The following COL28A1 variants were observed in gnomAD, a reference collection of about 807,000 sequenced individuals.
COL28A1 encodes the protein collagen alpha-1(XXVIII) chain.
In COL28A1, 161 loss-of-function variants were observed where a neutral mutation model predicts 150.2. The observed-to-expected ratio is 1.07, with a 90% CI of 0.94 to 1.22. The LOEUF is 1.22. Ranked by LOEUF, COL28A1 falls within the 50% of genes most tolerant of loss-of-function variation. The probability of loss-of-function intolerance (pLI) is 0.00; values close to 1 mark genes in which losing one functional copy is unlikely to be tolerated. For missense variants in COL28A1, 1,617 were observed against 1,388.3 expected, an observed-to-expected ratio of 1.16 and a Z score of -2.62; for synonymous variants, 552 against 469.7, an observed-to-expected ratio of 1.18 and a Z score of -2.26.
At chr7:7,457,369 G>A (rs1787252366) in intron 15 of COL28A1, among the ~76,000 whole-genome samples, 1 of 152,098 alleles carries the variant, frequency 6.6e-6, no homozygotes, top group Admixed American at 6.5e-5. Flanking sequence ...TAGAGTGATG[G>A]GATTTGCTGA....
intron 15 of COL28A1, among the ~76,000 whole-genome samples, chr7:7,474,330 T>C (rs1041835705): frequency 3.3e-5 from 5 of 152,046 alleles, no homozygotes; most frequent in Admixed American, 2.6e-4. Flanking sequence ...AGACCACAAA[T>C]TGGGTTCAGT....
chr7:7,488,721 T>C (rs1197601142), intron 13 of COL28A1, among the ~76,000 whole-genome samples: 1 of 152,228 alleles, frequency 6.6e-6, no homozygotes, highest in Non-Finnish European at 1.5e-5. Context: ...GATTAGATAA[T>C]GAGCCAAGTC....
intron 13 of COL28A1, among the ~76,000 whole-genome samples, chr7:7,482,528 A>G (rs1050645344): frequency 1.9e-5 from 2 of 103,740 alleles, no homozygotes; most frequent in East Asian, 2.9e-4. Context: ...TCTGTCTCAG[A>G]AAAAAAAAAA....
intron 15 of COL28A1, among the ~76,000 whole-genome samples, chr7:7,473,514 A>AT (rs1788605738): frequency 2.0e-5 from 3 of 152,334 alleles, no homozygotes; most frequent in Non-Finnish European, 4.4e-5. Context: ...AAGAATGGCC[A>AT]TAATCAAGAA....
At chr7:7,402,417 C>G (rs1783257889) in intron 27 of COL28A1, among the ~76,000 whole-genome samples, 1 of 152,166 alleles carries the variant, frequency 6.6e-6, no homozygotes, top group Admixed American at 6.5e-5. Context: ...TCATATATTA[C>G]TCTTTGTTCA....
In COL28A1 at chr7:7,370,382, A is replaced by G. The variant is rs189185780; in HGVS notation, c.3066+343T>C. ...GAGGGAGAGTTGTGGCCTGGTATGA[A>G]AGGCACTGCACAGCATGGCAACTAG... On this transcript the variant is annotated intron_variant, in intron 33 of 34. Transcript: ENST00000399429. Among the ~76,000 whole-genome samples the G allele has an allele frequency of 3.3e-3, 505 of 152,142 alleles. 4 individuals are homozygous for G. Among genetic ancestry groups the G allele is most frequent in the African/African-American group, 0.011 (451 of 41,544 alleles).
intron 3 of COL28A1, among the ~76,000 whole-genome samples, chr7:7,529,972 G>C (rs1309652887): frequency 1.4e-5 from 2 of 145,906 alleles, no homozygotes; most frequent in Non-Finnish European, 3.0e-5. Context: ...CTCTGATCTA[G>C]GCATAACTCT....
chr7:7,517,887 G>A, intron 6 of COL28A1, 50 bp from the exon 7 acceptor site: 2 of 1,592,498 alleles, frequency 1.3e-6, no homozygotes, highest in African/African-American at 1.4e-5. Flanking sequence ...AAGAGTGACT[G>A]ATTGCTCAAT....
chr7:7,442,217 C>A (rs965026355), intron 20 of COL28A1, among the ~76,000 whole-genome samples: 3 of 152,124 alleles, frequency 2.0e-5, no homozygotes, highest in African/African-American at 7.2e-5. Context: ...CATCTGATAC[C>A]ACCCATTGCT....
chr7:7,411,175 T>G (rs1242989960), intron 27 of COL28A1, among the ~76,000 whole-genome samples: 1 of 152,116 alleles, frequency 6.6e-6, no homozygotes, highest in Non-Finnish European at 1.5e-5. Context: ...CTGATTCTAT[T>G]AAAAGAGCCC....
intron 28 of COL28A1, 122 bp downstream of exon 28, chr7:7,381,422 T>C (rs1009678871): frequency 7.2e-6 from 5 of 695,886 alleles, no homozygotes; most frequent in East Asian, 2.7e-5. Context: ...TTTGAGTGGA[T>C]TGTTTTTCTT....
chr7:7,532,286 G>C (rs920964200), intron 2 of COL28A1, among the ~76,000 whole-genome samples: 1 of 152,030 alleles, frequency 6.6e-6, no homozygotes, highest in African/African-American at 2.4e-5. Context: ...TGTCATATTG[G>C]TGAGTCCCTA....
chr7:7,421,699 C>T (rs112504678), intron 25 of COL28A1, among the ~76,000 whole-genome samples: 3 of 152,316 alleles, frequency 2.0e-5, no homozygotes, highest in African/African-American at 7.2e-5. Context: ...TTCCAGATAA[C>T]CCAAGCCCTT....
At chr7:7,492,601 A>G (rs1211196519) in intron 11 of COL28A1, among the ~76,000 whole-genome samples, 1 of 115,634 alleles carries the variant, frequency 8.6e-6, no homozygotes, top group Non-Finnish European at 1.8e-5. Context: ...AAAAAAAAAA[A>G]AAAAAAAAAA....
intron 33 of COL28A1, among the ~76,000 whole-genome samples, chr7:7,370,089 A>G (rs527910741): frequency 1.3e-5 from 2 of 152,314 alleles, no homozygotes; most frequent in Admixed American, 1.3e-4. Context: ...AGTTCCCAGA[A>G]GCTTGCTATG....
intron 9 of COL28A1, among the ~76,000 whole-genome samples, chr7:7,510,483 C>T (rs923155857): frequency 6.6e-6 from 1 of 152,180 alleles, no homozygotes; most frequent in Admixed American, 6.5e-5. Flanking sequence ...TGGTGTTTCA[C>T]CGTATTGGTC....
intron 27 of COL28A1, among the ~76,000 whole-genome samples, chr7:7,391,272 T>C (rs1381713841): frequency 6.6e-6 from 1 of 152,206 alleles, no homozygotes; most frequent in Admixed American, 6.5e-5. Context: ...TCAGTTTCCA[T>C]GTAGATGTGC....
At chr7:7,388,155 C>A (rs994093998) in intron 27 of COL28A1, among the ~76,000 whole-genome samples, 1 of 151,932 alleles carries the variant, frequency 6.6e-6, no homozygotes, top group African/African-American at 2.4e-5. Flanking sequence ...AATGCTATCC[C>A]TCCCCTAGCC....
At position 7,361,600 on chromosome 7, in the gene COL28A1, A is replaced by G. The variant is rs1299243041; in HGVS notation, c.3067-1072T>C. 2.0e-5 allele frequency among the ~76,000 whole-genome samples: 3 copies of G among 152,194 alleles called. No individual in the cohort carries two copies. The East Asian group carries it at 5.8e-4, about 29-fold the overall frequency. ...CATTTCTCTAATGACCAGTGATGAT[A>G]AGCGTTTTTTCATGTTTGTTGGCTG... On this transcript the variant is annotated intron_variant, in intron 33 of 34. Transcript: ENST00000399429.
Sources: allele counts gnomAD v4.1 joint callset (sites outside exome capture counted in the v4.1 genomes callset), GRCh38; gene constraint gnomAD v4.1.1; transcripts MANE v1.5; gene names NCBI Gene and HGNC (gene_info 2026-07-23, HGNC 2026-07-21).